Variants in GLG1 observed in about 807,000 individuals in gnomAD.
GLG1 encodes Golgi apparatus protein 1.
Under a neutral mutation model 160.5 loss-of-function variants are expected in GLG1, and 38 were observed. The ratio of observed to expected loss-of-function variants is 0.24; its 90% confidence interval spans 0.18 to 0.31. The LOEUF is 0.31. GLG1 is among the 10% of genes least tolerant of loss of function. The pLI, the probability that GLG1 is intolerant of heterozygous loss-of-function variation, is 1.00. For synonymous variants in GLG1, 644 were observed against 543.4 expected, an observed-to-expected ratio of 1.19 and a Z score of -2.57; for missense variants, 1,373 against 1,505.2, an observed-to-expected ratio of 0.91 and a Z score of 1.45.
At chr16:74,564,042 C>T (rs562374991) in intron 1 of GLG1, among the ~76,000 whole-genome samples, 12 of 152,300 alleles carry the variant, frequency 7.9e-5, no homozygotes, top group African/African-American at 2.9e-4. Context: ...CCCACCCAGC[C>T]TCCTGAGTAG....
intron 1 of GLG1, among the ~76,000 whole-genome samples, chr16:74,600,468 A>G (rs191070901): frequency 1.1e-4 from 16 of 152,250 alleles, no homozygotes; most frequent in Admixed American, 5.9e-4. Context: ...GCACTGGTTT[A>G]CACCTGTAAT....
chr16:74,453,307 G>A lies in GLG1; in HGVS notation c.3400C>T (p.Leu1134Phe). ...GGAGACGTCATTACTTGCATGGCAAGATCAGAGAAGCCATCTGCTGGGGCC... is the reference window on the plus strand; with the variant it reads ...GGAGACGTCATTACTTGCATGGCAAAATCAGAGAAGCCATCTGCTGGGGCC... ...KVAPADGFSDLAMQVMTSPSK... is the reference protein window; with the variant it reads ...KVAPADGFSDFAMQVMTSPSK... Residue 1134 changes from leucine to phenylalanine, a missense_variant, in exon 26 of 26, where the codon CTT becomes TTT. Around this residue, in one of 4 missense-constraint regions of GLG1, gnomAD observed 491 missense variants for 632.1 expected, o/e 0.78. Transcript: ENST00000422840. The A allele has an allele frequency of 1.9e-6, 3 of 1,613,436 alleles. No homozygotes were observed. The highest frequency in any genetic ancestry group is 2.5e-6 in the Non-Finnish European group (3 of 1,179,348).
At position 74,462,520 on chromosome 16, in the gene GLG1, T is replaced by A. The variant is rs141820227; in HGVS notation, c.2902A>T (p.Ile968Phe). The A allele has an allele frequency of 6.2e-7, 1 of 1,614,102 alleles. No individual in the cohort carries two copies. The highest frequency in any genetic ancestry group is 1.1e-5 in the South Asian group (1 of 91,086). ...GCATATCTCAGCTTCAGGCAAGAGA[T>A]GACTTGTCCTTCTAATTCTGAATCA... ...KDDSELEGQVISCLKLRYADQ... is the reference protein window; with the variant it reads ...KDDSELEGQVFSCLKLRYADQ... The change falls in exon 21 of 26, where the codon ATC becomes TTC. Residue 968 changes from isoleucine to phenylalanine, a missense_variant. Transcript: ENST00000422840.
chr16:74,455,024 C>G (rs1309015894), intron 25 of GLG1, among the ~76,000 whole-genome samples: 1 of 152,002 alleles, frequency 6.6e-6, no homozygotes, highest in East Asian at 1.9e-4. Context: ...CCCAGGAGTT[C>G]GAGGCTGCAG....
At chr16:74,481,715 T>A (rs1284749113) in intron 10 of GLG1, among the ~76,000 whole-genome samples, 1 of 152,212 alleles carries the variant, frequency 6.6e-6, no homozygotes, top group Non-Finnish European at 1.5e-5. Context: ...TCTTTTGAGA[T>A]AGGGTCTCAC....
At chr16:74,563,485 T>C (rs976790289) in intron 1 of GLG1, among the ~76,000 whole-genome samples, 6 of 152,040 alleles carry the variant, frequency 3.9e-5, no homozygotes, top group East Asian at 1.9e-4. Flanking sequence ...TCCAAGCACT[T>C]TGGGAGGCTG....
rs193071244 is a variant in GLG1, at chr16:74,518,004, G to A, written c.472-9079C>T. 1.4e-3 allele frequency among the ~76,000 whole-genome samples: 206 copies of A among 152,238 alleles called. 1 individual carries two copies. The highest frequency in any genetic ancestry group is 3.2e-3 in the Admixed American group (49 of 15,284). The stretch of plus-strand genomic sequence containing the variant: ...AATCCAACTCACAATGGCTGTGAAG[G>A]ACCTCTTCAAGGAGAACTACAAACC... On this transcript the variant is annotated intron_variant, in intron 2 of 25. Coordinates refer to ENST00000422840, the MANE Select transcript of GLG1 (RefSeq NM_001145667.2).
intron 20 of GLG1, 22 bp downstream of exon 20, chr16:74,463,334 G>T: frequency 1.2e-6 from 2 of 1,613,270 alleles, no homozygotes; most frequent in South Asian, 2.2e-5. Context: ...ACGGGGCCAG[G>T]AGAGCCAAGC....
In GLG1 at chr16:74,510,740, G is replaced by A. The variant is rs77416459; in HGVS notation, c.472-1815C>T. On this transcript the variant is annotated intron_variant, in intron 2 of 25. Coordinates refer to ENST00000422840, the MANE Select transcript of GLG1 (RefSeq NM_001145667.2). Reference sequence around the variant, plus strand: ...ATACTGTGTTCCAGACACAGTGTTAGGAACTGGTGGATAAAACATAAGGAG... The same window carrying A: ...ATACTGTGTTCCAGACACAGTGTTAAGAACTGGTGGATAAAACATAAGGAG... Among the ~76,000 whole-genome samples, 690 of 152,304 alleles carry A rather than the reference G, an allele frequency of 4.5e-3. 38 individuals are homozygous for A. In the East Asian group the frequency reaches 0.12, roughly 26 times the overall value.
At chr16:74,561,145 G>C (rs969443815) in intron 1 of GLG1, among the ~76,000 whole-genome samples, 4 of 151,970 alleles carry the variant, frequency 2.6e-5, no homozygotes, top group Admixed American at 2.0e-4. Flanking sequence ...GCAGCAGCCA[G>C]CACCTTCCTC....
chr16:74,508,937 A>AG lies in GLG1; in HGVS notation c.472-13dup. On this transcript the variant is annotated splice_polypyrimidine_tract_variant and intron_variant, in intron 2 of 25. Transcript: ENST00000422840. ...TAATTCCACAACAACTAGATAGGAG[A>AG]GGAAAAAAAAAAACAAAGAAAAACT... is the stretch of plus-strand genomic sequence containing the variant. 1 of 1,102,616 alleles carries AG rather than the reference A, an allele frequency of 9.1e-7. No homozygotes were observed. 68.3% of individuals were successfully genotyped at this position (1,102,616 alleles called of 1,614,324 possible). A position where few individuals can be genotyped will look rare whatever the true frequency, so the allele number is the denominator to read the frequency against.
At chr16:74,562,443 A>G (rs530357494) in intron 1 of GLG1, among the ~76,000 whole-genome samples, 1 of 152,276 alleles carries the variant, frequency 6.6e-6, no homozygotes, top group East Asian at 1.9e-4. Flanking sequence ...GTGTATTTTC[A>G]CCAGCTAAAG....
At chr16:74,578,994 A>G (rs991051289) in intron 1 of GLG1, among the ~76,000 whole-genome samples, 1 of 152,142 alleles carries the variant, frequency 6.6e-6, no homozygotes, top group Admixed American at 6.6e-5. Flanking sequence ...ATCCATATGA[A>G]TGGGTTGGAA....
chr16:74,535,107 T>C (rs1471029031), intron 1 of GLG1, among the ~76,000 whole-genome samples: 1 of 152,014 alleles, frequency 6.6e-6, no homozygotes, highest in Non-Finnish European at 1.5e-5. Flanking sequence ...AGCAAAGCCA[T>C]CTCGAATAAC....
At chr16:74,527,749 TAG>T (rs2017385684) in intron 2 of GLG1, among the ~76,000 whole-genome samples, 1 of 152,030 alleles carries the variant, frequency 6.6e-6, no homozygotes, top group East Asian at 1.9e-4. Flanking sequence ...TTTTTTGAGA[TAG>T]AGTCTTGCTC....
intron 1 of GLG1, among the ~76,000 whole-genome samples, chr16:74,536,755 G>C (rs973035125): frequency 6.6e-6 from 1 of 152,130 alleles, no homozygotes; most frequent in African/African-American, 2.4e-5. Context: ...TTATGAGTAT[G>C]TATCTACTGG....
Position 74,453,042 on chromosome 16 carries a change from C to A in GLG1, c.*125G>T. 2 of 1,489,802 alleles carry A rather than the reference C, an allele frequency of 1.3e-6. No homozygotes were observed. Among genetic ancestry groups the A allele is most frequent in the Non-Finnish European group, 8.9e-7 (1 of 1,119,790 alleles). The allele number at this position is 1,489,802 out of a possible 1,614,324, so 92.3% of individuals were successfully genotyped here. A position where few individuals can be genotyped will look rare whatever the true frequency, so the allele number is the denominator to read the frequency against. On this transcript the variant is annotated 3_prime_UTR_variant, in exon 26 of 26. Transcript: ENST00000422840. ...CTGGATGGGACAACGCAGTGGACAT[C>A]TGCTAATGCTCTAACACGGGGTTGG... is the stretch of plus-strand genomic sequence containing the variant.
chr16:74,463,710 C>A (rs907126601), intron 19 of GLG1, among the ~76,000 whole-genome samples: 4 of 145,714 alleles, frequency 2.7e-5, no homozygotes, highest in African/African-American at 1.0e-4. Flanking sequence ...CGTCACCACG[C>A]CCAGCTCATT....
intron 4 of GLG1, among the ~76,000 whole-genome samples, chr16:74,500,836 G>A (rs1479403558): frequency 6.6e-6 from 1 of 151,988 alleles, no homozygotes; most frequent in Non-Finnish European, 1.5e-5. Context: ...CTTTCATTTT[G>A]ACAACATTTA....
Sources: gnomAD v4.1 joint callset for allele counts (sites outside exome capture counted in the v4.1 genomes callset) on GRCh38, gnomAD v4.1.1 for gene constraint, gnomAD v4.1.1 regional missense constraint, MANE v1.5 for transcripts, NCBI Gene and HGNC (gene_info 2026-07-23, HGNC 2026-07-21) for gene names.